Variants in TRAF3 observed in about 807,000 individuals in gnomAD.
TRAF3 encodes the protein TNF receptor-associated factor 3.
TRAF3 carries 13 observed loss-of-function variants against 62.3 expected under a neutral mutation model. That is an observed-to-expected ratio of 0.21 (90% CI 0.14 to 0.33). The LOEUF is 0.33. Among genes scored for constraint, TRAF3 ranks in the 10% least tolerant of loss-of-function variants. TRAF3 has a pLI of 1.00. For missense variants in TRAF3, 440 were observed against 741.8 expected, an observed-to-expected ratio of 0.59 and a Z score of 4.73; for synonymous variants, 269 against 283.4, an observed-to-expected ratio of 0.95 and a Z score of 0.51.
In TRAF3 at chr14:102,887,634, A is replaced by C. The variant is rs991931152; in HGVS notation, c.651+1365A>C. Among the ~76,000 whole-genome samples, 4 of 151,630 alleles carry C rather than the reference A, an allele frequency of 2.6e-5. No homozygotes were observed. The South Asian group carries it at 8.4e-4, about 32-fold the overall frequency. ...TTTTGAGACGGAGTCTCGCTCTGTCACTCAGGCTGGAGTGCAGTGGCGTGA... is the reference window on the plus strand; with the variant it reads ...TTTTGAGACGGAGTCTCGCTCTGTCCCTCAGGCTGGAGTGCAGTGGCGTGA... On this transcript the variant is annotated intron_variant, in intron 7 of 11. Coordinates refer to ENST00000392745, the MANE Select transcript of TRAF3 (RefSeq NM_145725.3).
In TRAF3 at chr14:102,905,509, A is replaced by G; in HGVS notation, c.1432A>G (p.Met478Val). 1.2e-6 allele frequency: 2 copies of G among 1,614,158 alleles called. No homozygotes were observed. The highest frequency in any genetic ancestry group is 1.7e-6 in the Non-Finnish European group (2 of 1,180,028). Residue 478 changes from methionine to valine, a missense_variant, in exon 12 of 12, where the codon ATG (methionine) becomes GTG (valine). Coordinates refer to ENST00000392745, the MANE Select transcript of TRAF3 (RefSeq NM_145725.3). Reference protein sequence around the residue: ...GTHLSLFFVIMRGEYDALLPW... With the variant: ...GTHLSLFFVIVRGEYDALLPW... The stretch of plus-strand genomic sequence containing the variant: ...GCACTTGTCGCTGTTTTTTGTCATC[A>G]TGCGTGGAGAATATGATGCCCTGCT...
intron 1 of TRAF3, among the ~76,000 whole-genome samples, chr14:102,806,085 G>A (rs571554344): frequency 6.6e-6 from 1 of 152,094 alleles, no homozygotes; most frequent in Non-Finnish European, 1.5e-5. Flanking sequence ...TCAGAAGTGG[G>A]GTGGGGGATG....
intron 1 of TRAF3, among the ~76,000 whole-genome samples, chr14:102,812,657 C>G (rs759984709): frequency 6.6e-6 from 1 of 152,122 alleles, no homozygotes; most frequent in Non-Finnish European, 1.5e-5. Context: ...TGGTGGCTCA[C>G]GCCTGTAATC....
intron 1 of TRAF3, among the ~76,000 whole-genome samples, chr14:102,811,069 T>C (rs1899099600): frequency 6.6e-6 from 1 of 152,226 alleles, no homozygotes; most frequent in East Asian, 1.9e-4. Context: ...ATTAGCATCT[T>C]GGTGTATAGT....
chr14:102,881,118 C>T (rs1002496967), intron 6 of TRAF3, among the ~76,000 whole-genome samples: 8 of 151,978 alleles, frequency 5.3e-5, no homozygotes, highest in African/African-American at 1.9e-4. Context: ...CACGGTGACT[C>T]ACACCTCTAA....
At chr14:102,789,468 T>TC (rs72520887) in intron 1 of TRAF3, among the ~76,000 whole-genome samples, 1 of 103,082 alleles carries the variant, frequency 9.7e-6, no homozygotes, top group Admixed American at 8.8e-5. Context: ...TAAATTTATT[T>TC]TTTTTGTTTT....
chr14:102,817,340 G>C (rs912850479), intron 1 of TRAF3, among the ~76,000 whole-genome samples: 1 of 152,152 alleles, frequency 6.6e-6, no homozygotes, highest in Non-Finnish European at 1.5e-5. Context: ...GAAGTTTTCA[G>C]GGGAGAATGG....
At chr14:102,815,178 G>A (rs1479215135) in intron 1 of TRAF3, among the ~76,000 whole-genome samples, 1 of 152,124 alleles carries the variant, frequency 6.6e-6, no homozygotes, top group East Asian at 1.9e-4. Context: ...GGCTCAAGCA[G>A]TTCTCCTGCT....
intron 7 of TRAF3, among the ~76,000 whole-genome samples, chr14:102,887,361 G>A (rs1281290542): frequency 6.6e-6 from 1 of 152,242 alleles, no homozygotes; most frequent in African/African-American, 2.4e-5. Flanking sequence ...GAGGGCCCAT[G>A]TGGGGCTAGG....
At chr14:102,788,796 TCAAAA>T (rs149315871) in intron 1 of TRAF3, among the ~76,000 whole-genome samples, 36,612 of 150,860 alleles carry the variant, frequency 0.24, 5,102 homozygotes, top group South Asian at 0.43. Context: ...AGACTCCATC[TCAAAA>T]CAAAACAAAA....
intron 2 of TRAF3, among the ~76,000 whole-genome samples, chr14:102,843,867 G>GA (rs1159050918): frequency 2.0e-5 from 3 of 151,830 alleles, no homozygotes; most frequent in Non-Finnish European, 4.4e-5. Flanking sequence ...TGATAAGGAA[G>GA]AAAAAACAGA....
intron 1 of TRAF3, among the ~76,000 whole-genome samples, chr14:102,820,592 ATATATATATATATATATATATATTTTTT>A (rs1899857061): frequency 7.5e-4 from 4 of 5,350 alleles, no homozygotes; most frequent in African/African-American, 3.8e-3. Flanking sequence ...ATATATATAT[ATATATATATATATATATATATATTTTTT>A]TTTTTTTTTT....
intron 2 of TRAF3, among the ~76,000 whole-genome samples, chr14:102,842,081 C>T (rs902486319): frequency 2.6e-5 from 4 of 151,762 alleles, no homozygotes; most frequent in African/African-American, 9.7e-5. Flanking sequence ...CTCGTCTCTA[C>T]TGAAAATACA....
intron 2 of TRAF3, among the ~76,000 whole-genome samples, chr14:102,864,444 G>A (rs375032280): frequency 3.3e-5 from 5 of 152,034 alleles, no homozygotes; most frequent in Admixed American, 6.6e-5. Context: ...CACCGCGCCC[G>A]GCCTAGTTTT....
At chr14:102,891,271 G>A in intron 8 of TRAF3, 54 bp from the exon 9 acceptor site, 2 of 1,539,392 alleles carry the variant, frequency 1.3e-6, no homozygotes, top group Non-Finnish European at 8.9e-7. Context: ...TAGCCGTTCT[G>A]CCCTTTGAAA....
At chr14:102,853,440 C>G (rs771800960) in intron 2 of TRAF3, among the ~76,000 whole-genome samples, 1 of 151,760 alleles carries the variant, frequency 6.6e-6, no homozygotes, top group South Asian at 2.1e-4. Flanking sequence ...TTTTACCCCA[C>G]GAAAAAAATT....
intron 1 of TRAF3, among the ~76,000 whole-genome samples, chr14:102,805,363 T>G (rs1898706749): frequency 6.6e-6 from 1 of 152,210 alleles, no homozygotes; most frequent in Admixed American, 6.5e-5. Context: ...TGATTTAAAG[T>G]GTGTAAGAAT....
intron 2 of TRAF3, among the ~76,000 whole-genome samples, chr14:102,841,807 A>T (rs1446279153): frequency 2.0e-5 from 3 of 152,226 alleles, no homozygotes; most frequent in Non-Finnish European, 4.4e-5. Context: ...GGGATGATGC[A>T]ATTAGCACAC....
chr14:102,824,952 G>A (rs1434192672), intron 1 of TRAF3, among the ~76,000 whole-genome samples: 3 of 152,192 alleles, frequency 2.0e-5, no homozygotes, highest in African/African-American at 4.8e-5. Context: ...GAGTAGACAC[G>A]ATTCTCTTCC....
Sources: allele counts gnomAD v4.1 joint callset (sites outside exome capture counted in the v4.1 genomes callset), GRCh38; gene constraint gnomAD v4.1.1; transcripts MANE v1.5; gene names NCBI Gene and HGNC (gene_info 2026-07-23, HGNC 2026-07-21).